The following GALNT13 variants were observed in gnomAD, a reference collection of about 807,000 sequenced individuals.
The protein encoded by GALNT13 is UDP-GalNAc:polypeptide N-acetylgalactosaminyltransferase 13.
Under a neutral mutation model 64.2 loss-of-function variants are expected in GALNT13, and 28 were observed. The observed-to-expected ratio is 0.44, with a 90% CI of 0.32 to 0.60. GALNT13 has a LOEUF of 0.60. Among genes scored for constraint, GALNT13 ranks in the 20% least tolerant of loss-of-function variants. The pLI is 0.05. For missense variants in GALNT13, 577 were observed against 669.8 expected (o/e 0.86, Z 1.53); for synonymous variants, 214 against 224.6 (o/e 0.95, Z 0.42).
intron 10 of GALNT13, among the ~76,000 whole-genome samples, chr2:154,402,658 T>G (rs1421132735): frequency 6.6e-6 from 1 of 152,216 alleles, no homozygotes; most frequent in Non-Finnish European, 1.5e-5. Flanking sequence ...TGGAACAGAC[T>G]TTGTGAAGAA....
At chr2:153,966,852 A>G (rs1482875781) in intron 3 of GALNT13, among the ~76,000 whole-genome samples, 2 of 152,004 alleles carry the variant, frequency 1.3e-5, no homozygotes, top group African/African-American at 4.8e-5. Context: ...ATCCTCTTTA[A>G]TAAAATAACT....
At chr2:153,297,828 C>A in the GALNT13 span, among the ~76,000 whole-genome samples, 1 of 152,188 alleles carries the variant, frequency 6.6e-6, no homozygotes, top group African/African-American at 2.4e-5. Flanking sequence ...ATAGCAAGAG[C>A]AGGTCTCTCT....
chr2:153,760,241 G>C, the GALNT13 span, among the ~76,000 whole-genome samples: 1 of 151,602 alleles, frequency 6.6e-6, no homozygotes, highest in Non-Finnish European at 1.5e-5. Context: ...TGATTTCATA[G>C]ATTTTCTTCT....
intron 10 of GALNT13, among the ~76,000 whole-genome samples, chr2:154,407,603 AC>A (rs5835514): frequency 0.99 from 150,960 of 152,192 alleles, 74,882 homozygotes; most frequent in Middle Eastern, 1. Flanking sequence ...ATGAACAGGT[AC>A]CGGGTTTTGC....
intron 11 of GALNT13, among the ~76,000 whole-genome samples, chr2:154,428,803 A>T (rs1333706659): frequency 2.1e-5 from 3 of 145,926 alleles, no homozygotes; most frequent in Admixed American, 6.9e-5. Flanking sequence ...TTTATTTGAG[A>T]TGGAGTCTCG....
chr2:153,207,825 C>G, the GALNT13 span, among the ~76,000 whole-genome samples: 1 of 152,122 alleles, frequency 6.6e-6, no homozygotes, highest in South Asian at 2.1e-4. Context: ...CATTGAAGCA[C>G]TTGGCAGCAC....
the GALNT13 span, among the ~76,000 whole-genome samples, chr2:153,185,371 G>A: frequency 6.6e-6 from 1 of 152,024 alleles, no homozygotes; most frequent in African/African-American, 2.4e-5. Context: ...AGTCTACCTA[G>A]TGGTCCATCT....
At chr2:153,411,488 G>T in the GALNT13 span, among the ~76,000 whole-genome samples, 1 of 152,056 alleles carries the variant, frequency 6.6e-6, no homozygotes, top group African/African-American at 2.4e-5. Flanking sequence ...GGGAGTAGGC[G>T]GTGGGGGAAG....
At chr2:154,246,217 G>A (rs1383185306) in intron 7 of GALNT13, among the ~76,000 whole-genome samples, 1 of 152,048 alleles carries the variant, frequency 6.6e-6, no homozygotes, top group Non-Finnish European at 1.5e-5. Context: ...GAAAGTTTAT[G>A]TATTCTTGTA....
At chr2:153,955,653 G>A (rs1439116014) in intron 3 of GALNT13, among the ~76,000 whole-genome samples, 1 of 152,174 alleles carries the variant, frequency 6.6e-6, no homozygotes, top group Non-Finnish European at 1.5e-5. Flanking sequence ...ATGCAGGACT[G>A]GCAAGCCCCA....
chr2:153,681,744 C>G, the GALNT13 span, among the ~76,000 whole-genome samples: 2 of 151,676 alleles, frequency 1.3e-5, no homozygotes, highest in Non-Finnish European at 2.9e-5. Context: ...GCATTATTTT[C>G]CCCCGCAGTG....
the GALNT13 span, among the ~76,000 whole-genome samples, chr2:153,372,511 T>C: frequency 6.6e-6 from 1 of 152,022 alleles, no homozygotes; most frequent in African/African-American, 2.4e-5. Flanking sequence ...CTGGGCATGG[T>C]GGTACACACC....
chr2:154,403,372 CTT>C (rs1243863937), intron 10 of GALNT13, among the ~76,000 whole-genome samples: 1 of 151,936 alleles, frequency 6.6e-6, no homozygotes, highest in African/African-American at 2.4e-5. Flanking sequence ...ATGAAAATCA[CTT>C]GAACCTGGGA....
chr2:154,242,234 G>C (rs765290061), intron 5 of GALNT13, 38 bp downstream of exon 5: 1 of 1,545,758 alleles, frequency 6.5e-7, no homozygotes, highest in South Asian at 1.2e-5. Flanking sequence ...TTGTTTTTTT[G>C]TTTTGTTTTG....
At chr2:153,208,537 C>G in the GALNT13 span, among the ~76,000 whole-genome samples, 1 of 151,944 alleles carries the variant, frequency 6.6e-6, no homozygotes, top group African/African-American at 2.4e-5. Flanking sequence ...CCACAGCACA[C>G]TTTGTTTATC....
the GALNT13 span, among the ~76,000 whole-genome samples, chr2:153,556,356 C>T: frequency 1.0e-3 from 152 of 152,242 alleles, no homozygotes; most frequent in African/African-American, 3.6e-3. Context: ...ATCCTTTACA[C>T]ATCAGAAAAA....
the GALNT13 span, among the ~76,000 whole-genome samples, chr2:153,304,185 A>G: frequency 1.3e-4 from 12 of 92,548 alleles, no homozygotes; most frequent in African/African-American, 4.2e-4. Flanking sequence ...TCCAGACTAG[A>G]CAAGTAACTA....
At chr2:153,528,941 T>A in the GALNT13 span, among the ~76,000 whole-genome samples, 1 of 151,786 alleles carries the variant, frequency 6.6e-6, no homozygotes, top group Admixed American at 6.6e-5. Context: ...GAGGGAAGTA[T>A]ATAGCTATAA....
the GALNT13 span, among the ~76,000 whole-genome samples, chr2:153,576,160 C>T: frequency 6.6e-6 from 1 of 152,006 alleles, no homozygotes; most frequent in South Asian, 2.1e-4. Flanking sequence ...ACTCTTTCCT[C>T]TCCTCTCCTC....
Sources: allele counts gnomAD v4.1 joint callset (sites outside exome capture counted in the v4.1 genomes callset), GRCh38; gene constraint gnomAD v4.1.1; transcripts MANE v1.5; gene names NCBI Gene and HGNC (gene_info 2026-07-23, HGNC 2026-07-21).